Variants in COL4A2 observed in about 807,000 individuals in gnomAD.
The protein encoded by COL4A2 is collagen alpha-2(IV) chain.
A neutral mutation model predicts 200.2 loss-of-function variants in COL4A2; 99 were observed. The observed-to-expected ratio is 0.49, with a 90% CI of 0.42 to 0.58. COL4A2 has a LOEUF of 0.58. Among genes scored for constraint, COL4A2 ranks in the 20% least tolerant of loss-of-function variants. The probability of loss-of-function intolerance (pLI) is 0.00; values close to 1 mark genes in which losing one functional copy is unlikely to be tolerated. For synonymous variants in COL4A2, 897 were observed against 900.6 expected (o/e 1.00, Z 0.07); for missense variants, 1,950 against 2,314.1 (o/e 0.84, Z 3.23).
chr13:110,458,486 G>A lies in COL4A2; in HGVS notation c.1433-285G>A, dbSNP rs114006782. On this transcript the variant is annotated intron_variant, in intron 21 of 47. Transcript: ENST00000360467. ...TTCCTTAACCTCCTTCACACTCCCCGCAACTCAACCTATGCCTCTGAATGT... is the reference window on the plus strand; with the variant it reads ...TTCCTTAACCTCCTTCACACTCCCCACAACTCAACCTATGCCTCTGAATGT... Among the ~76,000 whole-genome samples the A allele has an allele frequency of 0.015, 2,326 of 152,242 alleles. 55 individuals are homozygous for A. Among genetic ancestry groups the A allele is most frequent in the African/African-American group, 0.054 (2,248 of 41,536 alleles).
At chr13:110,332,396 T>G (rs1363358742) in intron 3 of COL4A2, among the ~76,000 whole-genome samples, 3 of 152,192 alleles carry the variant, frequency 2.0e-5, no homozygotes, top group Non-Finnish European at 4.4e-5. Flanking sequence ...CATCTTTAGT[T>G]AGGTTTCGGT....
chr13:110,345,560 G>A (rs1876659915), intron 3 of COL4A2, among the ~76,000 whole-genome samples: 1 of 152,120 alleles, frequency 6.6e-6, no homozygotes, highest in Non-Finnish European at 1.5e-5. Context: ...AAAGAAGAAA[G>A]TCAGACTCAC....
intron 31 of COL4A2, among the ~76,000 whole-genome samples, chr13:110,481,974 T>TCCGTTGCTGGAGACACACTGCTCTGTCCC (rs1882947543): frequency 2.2e-5 from 2 of 89,276 alleles, no homozygotes; most frequent in African/African-American, 4.1e-5. Context: ...TGTTCTGTCC[T>TCCGTTGCTGGAGACACACTGCTCTGTCCC]TCCGTTGCTG....
At chr13:110,434,746 C>G (rs1371506795) in intron 12 of COL4A2, among the ~76,000 whole-genome samples, 1 of 152,204 alleles carries the variant, frequency 6.6e-6, no homozygotes, top group Non-Finnish European at 1.5e-5. Context: ...AGTGCATCTT[C>G]TCCTGTGTGG....
At chr13:110,467,170 C>T (rs1210634364) in intron 27 of COL4A2, 74 bp downstream of exon 27, 3 of 1,584,724 alleles carry the variant, frequency 1.9e-6, no homozygotes, top group East Asian at 2.3e-5. Flanking sequence ...CTCCCCCGCC[C>T]ATCTTTCCTC....
At chr13:110,333,695 C>G (rs11619656) in intron 3 of COL4A2, among the ~76,000 whole-genome samples, 2 of 152,172 alleles carry the variant, frequency 1.3e-5, no homozygotes, top group Non-Finnish European at 1.5e-5. Flanking sequence ...CTTTTCATAT[C>G]GGGACACAGC....
chr13:110,389,851 TTTTC>T (rs1878920710), intron 4 of COL4A2, among the ~76,000 whole-genome samples: 1 of 132,800 alleles, frequency 7.5e-6, no homozygotes, highest in Admixed American at 8.4e-5. Context: ...TAGTGGGTGC[TTTTC>T]TTTCTAAAGC....
At chr13:110,383,227 C>T (rs79649630) in intron 4 of COL4A2, among the ~76,000 whole-genome samples, 2,331 of 152,068 alleles carry the variant, frequency 0.015, 55 homozygotes, top group African/African-American at 0.051. Flanking sequence ...GAACAGGGTC[C>T]GGAAAAAACA....
intron 4 of COL4A2, among the ~76,000 whole-genome samples, chr13:110,386,412 G>T (rs1878753003): frequency 6.6e-6 from 1 of 152,158 alleles, no homozygotes; most frequent in Non-Finnish European, 1.5e-5. Flanking sequence ...GGAAAAGTAG[G>T]ATGGCTCCTG....
intron 20 of COL4A2, chr13:110,456,421 TG>T (rs1260803706): frequency 3.7e-6 from 1 of 272,444 alleles, no homozygotes; most frequent in Non-Finnish European, 7.2e-6. Flanking sequence ...TTTAGTTTTT[TG>T]GGGGGGAACC....
chr13:110,512,354 G>A lies in COL4A2; in HGVS notation c.*163G>A, dbSNP rs1449746161. 1 of 1,230,694 alleles carries A rather than the reference G, an allele frequency of 8.1e-7. No homozygotes were observed. Among genetic ancestry groups the A allele is most frequent in the African/African-American group, 1.5e-5 (1 of 65,582 alleles). 76.2% of individuals were successfully genotyped at this position (1,230,694 alleles called of 1,614,324 possible). On this transcript the variant is annotated 3_prime_UTR_variant, in exon 48 of 48. Transcript: ENST00000360467. ...TAGACCTGCCAGCCACTGTCACCGA[G>A]CGGGTGCAAGCACTCGGGGTCCCTG...
intron 40 of COL4A2, among the ~76,000 whole-genome samples, chr13:110,499,313 C>T (rs1260322175): frequency 6.6e-6 from 1 of 152,228 alleles, no homozygotes; most frequent in Non-Finnish European, 1.5e-5. Flanking sequence ...AACTTACAAT[C>T]ATGGCGGAAG....
intron 4 of COL4A2, among the ~76,000 whole-genome samples, chr13:110,387,080 A>G (rs766544666): frequency 6.6e-6 from 1 of 152,186 alleles, no homozygotes; most frequent in Non-Finnish European, 1.5e-5. Flanking sequence ...TCTACTAAAA[A>G]TACAAAAAGT....
intron 3 of COL4A2, among the ~76,000 whole-genome samples, chr13:110,326,214 G>A (rs1028006642): frequency 3.8e-4 from 58 of 152,156 alleles, no homozygotes; most frequent in African/African-American, 1.3e-3. Flanking sequence ...GAGGAGATCT[G>A]AATTTTTTTA....
At chr13:110,329,084 A>G (rs1875779399) in intron 3 of COL4A2, among the ~76,000 whole-genome samples, 2 of 152,254 alleles carry the variant, frequency 1.3e-5, no homozygotes, top group Admixed American at 1.3e-4. Flanking sequence ...TTTAAAGCCC[A>G]TAATCAGATA....
chr13:110,422,440 A>G (rs1261576545), intron 4 of COL4A2, among the ~76,000 whole-genome samples: 1 of 152,210 alleles, frequency 6.6e-6, no homozygotes, highest in South Asian at 2.1e-4. Context: ...CACAGTGGCA[A>G]TAGCTTCTAT....
chr13:110,446,433 G>A (rs1246148872), intron 17 of COL4A2, among the ~76,000 whole-genome samples: 1 of 152,178 alleles, frequency 6.6e-6, no homozygotes. Context: ...CGCTCCACGG[G>A]GGTCCTGCGG....
rs147024602 is a variant in COL4A2, at chr13:110,422,486, G to A, written c.181-2248G>A. Among the ~76,000 whole-genome samples the A allele has an allele frequency of 2.0e-5, 3 of 152,314 alleles. No individual in the cohort carries two copies. In the East Asian group the frequency reaches 5.8e-4, roughly 29 times the overall value. On this transcript the variant is annotated intron_variant, in intron 4 of 47. Coordinates refer to ENST00000360467, the MANE Select transcript of COL4A2 (RefSeq NM_001846.4). ...TCTCCAAAGACACTAAAGTGCACAA[G>A]CTTCACCACGACTTAGGAGGCCTGA...
At chr13:110,482,300 G>A (rs536522152) in intron 31 of COL4A2, among the ~76,000 whole-genome samples, 8 of 152,336 alleles carry the variant, frequency 5.3e-5, no homozygotes, top group Admixed American at 1.3e-4. Flanking sequence ...GCCAATGTCC[G>A]GTCTGAAGAC....
Sources: gnomAD v4.1 joint callset for allele counts (sites outside exome capture counted in the v4.1 genomes callset) on GRCh38, gnomAD v4.1.1 for gene constraint, MANE v1.5 for transcripts, NCBI Gene and HGNC (gene_info 2026-07-23, HGNC 2026-07-21) for gene names.